Variants in MYO1E observed in about 807,000 individuals in gnomAD.
MYO1E encodes the protein myosin IE, also known as unconventional myosin-Ie.
A neutral mutation model predicts 151.1 loss-of-function variants in MYO1E; 68 were observed. That is an observed-to-expected ratio of 0.45 (90% confidence interval 0.37 to 0.55). MYO1E has a LOEUF of 0.55. MYO1E is among the 20% of genes least tolerant of loss of function. MYO1E has a pLI of 0.00. For missense variants in MYO1E, 1,363 were observed against 1,389.3 expected (o/e 0.98, Z 0.30); for synonymous variants, 601 against 501.7 (o/e 1.20, Z -2.64).
intron 1 of MYO1E, among the ~76,000 whole-genome samples, chr15:59,310,335 T>C (rs1470720174): frequency 6.6e-6 from 1 of 152,242 alleles, no homozygotes; most frequent in Non-Finnish European, 1.5e-5. Flanking sequence ...TAGGCCACAG[T>C]ATCTGTGAAT....
At chr15:59,321,603 T>C (rs2080626625) in intron 1 of MYO1E, among the ~76,000 whole-genome samples, 1 of 152,214 alleles carries the variant, frequency 6.6e-6, no homozygotes, top group African/African-American at 2.4e-5. Flanking sequence ...ATACCCTATG[T>C]TCTCACTTAA....
At chr15:59,247,269 A>G (rs2080136054) in intron 4 of MYO1E, among the ~76,000 whole-genome samples, 1 of 152,224 alleles carries the variant, frequency 6.6e-6, no homozygotes, top group African/African-American at 2.4e-5. Context: ...GCTCAAGTCC[A>G]GGGGTAACTA....
At chr15:59,139,232 C>T (rs555484843) in intron 26 of MYO1E, among the ~76,000 whole-genome samples, 211 of 146,320 alleles carry the variant, frequency 1.4e-3, no homozygotes, top group African/African-American at 4.4e-3. Context: ...ACTTCCCTCC[C>T]ATCCCTCATT....
intron 1 of MYO1E, among the ~76,000 whole-genome samples, chr15:59,306,886 C>A (rs535180878): frequency 1.3e-5 from 2 of 152,296 alleles, no homozygotes; most frequent in South Asian, 4.2e-4. Context: ...GTGAATGGCC[C>A]TTTGGGTTAT....
At chr15:59,224,949 T>C in intron 7 of MYO1E, 126 bp from the exon 8 acceptor site, 2 of 1,305,514 alleles carry the variant, frequency 1.5e-6, no homozygotes, top group Non-Finnish European at 2.2e-6. Context: ...CAGGCAGTCC[T>C]GGCCCCCAAA....
chr15:59,342,048 C>T (rs552446153), intron 1 of MYO1E, among the ~76,000 whole-genome samples: 4 of 152,080 alleles, frequency 2.6e-5, no homozygotes, highest in East Asian at 1.9e-4. Flanking sequence ...CATTATTGCC[C>T]GTCTTCTGGA....
intron 4 of MYO1E, among the ~76,000 whole-genome samples, chr15:59,254,670 TA>T (rs779869548): frequency 1.1e-4 from 13 of 115,838 alleles, no homozygotes; most frequent in Non-Finnish European, 2.7e-4. Flanking sequence ...TTATCCACAA[TA>T]AAAGGTTTTT....
intron 1 of MYO1E, among the ~76,000 whole-genome samples, chr15:59,337,465 G>A (rs769730737): frequency 9.9e-5 from 15 of 152,080 alleles, no homozygotes; most frequent in African/African-American, 2.4e-4. Context: ...CTACAATTTC[G>A]CATTTGGCAG....
At position 59,208,238 on chromosome 15, in the gene MYO1E, A is replaced by G. The variant is rs1489385808; in HGVS notation, c.1530+443T>C. ...ATTTATTTAGTCCTCCAGCTCTTTT[A>G]TTGAGCATCCACGTGCTGGACGATA... On this transcript the variant is annotated intron_variant, in intron 14 of 27. Transcript: ENST00000288235. 8.5e-6 allele frequency: 6 copies of G among 703,330 alleles called. No homozygotes were observed. In the Admixed American group the frequency reaches 1.0e-4, roughly 12 times the overall value. 43.6% of individuals were successfully genotyped at this position (703,330 alleles called of 1,614,324 possible).
At chr15:59,294,400 C>T (rs554493799) in intron 1 of MYO1E, among the ~76,000 whole-genome samples, 3 of 152,286 alleles carry the variant, frequency 2.0e-5, no homozygotes, top group Admixed American at 2.0e-4. Context: ...TCACTACTTC[C>T]TATTCCAAAT....
chr15:59,231,594 C>A, intron 6 of MYO1E, 108 bp downstream of exon 6: 1 of 1,195,702 alleles, frequency 8.4e-7, no homozygotes, highest in Non-Finnish European at 1.2e-6. Context: ...GAGGTGGCCT[C>A]CTGATGATAT....
At chr15:59,258,304 A>G (rs533471704) in intron 3 of MYO1E, among the ~76,000 whole-genome samples, 2 of 152,368 alleles carry the variant, frequency 1.3e-5, no homozygotes, top group South Asian at 4.1e-4. Flanking sequence ...CTGAGATTGC[A>G]GTATTGCACT....
At chr15:59,164,767 C>T (rs1355834133) in intron 22 of MYO1E, among the ~76,000 whole-genome samples, 1 of 152,198 alleles carries the variant, frequency 6.6e-6, no homozygotes, top group East Asian at 1.9e-4. Context: ...TGTCAGGAAC[C>T]TTCTCTCCAG....
At chr15:59,332,867 G>A (rs2080706223) in intron 1 of MYO1E, among the ~76,000 whole-genome samples, 1 of 152,058 alleles carries the variant, frequency 6.6e-6, no homozygotes, top group African/African-American at 2.4e-5. Flanking sequence ...CCGGCCCTGG[G>A]ATTCTATTGG....
In MYO1E at chr15:59,372,681, C is replaced by G; in HGVS notation, c.-181G>C. ...GGGGACTCCATCCAGGCGGGATTGG[C>G]GGTGCTAGGTGAGGGCGAGACGGCG... On this transcript the variant is annotated 5_prime_UTR_variant, in exon 1 of 28. Coordinates refer to ENST00000288235, the MANE Select transcript of MYO1E (RefSeq NM_004998.4). 1.4e-6 allele frequency: 1 copy of G among 738,000 alleles called. No homozygotes were observed. The allele number at this position is 738,000 out of a possible 1,614,324, so 45.7% of individuals were successfully genotyped here. A position where few individuals can be genotyped will look rare whatever the true frequency, so the allele number is the denominator to read the frequency against.
At chr15:59,280,953 G>C (rs1379509431) in intron 1 of MYO1E, among the ~76,000 whole-genome samples, 2 of 152,128 alleles carry the variant, frequency 1.3e-5, no homozygotes, top group Admixed American at 1.3e-4. Flanking sequence ...CTTTGTTGCA[G>C]AAATTTTTGT....
rs545050423 is a variant in MYO1E at position 59,343,815 on chromosome 15, T to A, written c.3+28683A>T. Among the ~76,000 whole-genome samples, 3 of 152,286 alleles carry A rather than the reference T, an allele frequency of 2.0e-5. No individual in the cohort carries two copies. The East Asian group carries it at 5.8e-4, about 29-fold the overall frequency. ...TAACAGACTCTGACGCATTCTTCAG[T>A]ACGTCAATTGCATTCAGCAGCTCGA... On this transcript the variant is annotated intron_variant, in intron 1 of 27. Transcript: ENST00000288235.
At chr15:59,313,170 C>T (rs2080563293) in intron 1 of MYO1E, among the ~76,000 whole-genome samples, 1 of 152,196 alleles carries the variant, frequency 6.6e-6, no homozygotes, top group Admixed American at 6.5e-5. Flanking sequence ...TCTATTCCTA[C>T]AGAAGAAACA....
At chr15:59,321,709 C>G (rs1732259269) in intron 1 of MYO1E, among the ~76,000 whole-genome samples, 1 of 151,994 alleles carries the variant, frequency 6.6e-6, no homozygotes, top group African/African-American at 2.4e-5. Context: ...TGGGTAAGAA[C>G]TGAAAAACTA....
Sources: allele counts gnomAD v4.1 joint callset (sites outside exome capture counted in the v4.1 genomes callset), GRCh38; gene constraint gnomAD v4.1.1; transcripts MANE v1.5; gene names NCBI Gene and HGNC (gene_info 2026-07-23, HGNC 2026-07-21).